Variants in PCSK7 observed in about 807,000 individuals in gnomAD.
PCSK7 encodes proprotein convertase subtilisin/kexin type 7.
In PCSK7, 38 loss-of-function variants were observed where a neutral mutation model predicts 73.3. The observed-to-expected ratio is 0.52, with a 90% confidence interval of 0.40 to 0.68. PCSK7 has a LOEUF of 0.68. Among genes scored for constraint, PCSK7 ranks in the 30% least tolerant of loss-of-function variants. The pLI, the probability that PCSK7 is intolerant of heterozygous loss-of-function variation, is 0.00. For synonymous variants in PCSK7, 296 were observed against 383.8 expected (o/e 0.77, Z 2.68); for missense variants, 692 against 991.5 (o/e 0.70, Z 4.06).
chr11:117,224,565 G>T, intron 7 of PCSK7, 136 bp downstream of exon 7: 1 of 780,714 alleles, frequency 1.3e-6, no homozygotes, highest in South Asian at 1.5e-5. Context: ...TTCCTGCCCC[G>T]ACGTTAGGTG....
At chr11:117,215,362 A>ATTTTTTTTTTT (rs1255701993) in intron 12 of PCSK7, 2 of 73,838 alleles carry the variant, frequency 2.7e-5, no homozygotes, top group East Asian at 5.4e-4. Flanking sequence ...TGCCTGGCTA[A>ATTTTTTTTTTT]TTTGTGTGTG....
chr11:117,226,056 T>A, intron 5 of PCSK7, 35 bp from the exon 6 acceptor site: 2 of 1,193,164 alleles, frequency 1.7e-6, no homozygotes, highest in Non-Finnish European at 2.5e-6. Context: ...TCCTCACTAA[T>A]GCTGGTCTCC....
chr11:117,229,666 C>T lies in PCSK7; in HGVS notation c.179G>A (p.Ser60Asn), dbSNP rs2032567007. 1.2e-6 allele frequency: 2 copies of T among 1,613,778 alleles called. No homozygotes were observed. Among genetic ancestry groups the T allele is most frequent in the African/African-American group, 1.3e-5 (1 of 74,958 alleles). ...CTCTTCCTCCCCGTCACCTTCCAGGCTTTCCAGGTGCACAGCCCAGCTCGG... is the reference window on the plus strand; with the variant it reads ...CTCTTCCTCCCCGTCACCTTCCAGGTTTTCCAGGTGCACAGCCCAGCTCGG... ...GGPSWAVHLE[S>N]LEGDGEEETL... Residue 60 changes from serine (S) to asparagine (N), a missense_variant, in exon 3 of 17, where the codon AGC becomes AAC. By Grantham distance (46) the Ser-to-Asn change is conservative. Around this residue, in one of 6 missense-constraint regions of PCSK7, gnomAD observed 574 missense variants for 689.8 expected, o/e 0.83. Coordinates refer to ENST00000320934, the MANE Select transcript of PCSK7 (RefSeq NM_004716.4).
At chr11:117,223,960 G>T (rs2032307699) in intron 8 of PCSK7, 118 bp downstream of exon 8, 3 of 1,087,756 alleles carry the variant, frequency 2.8e-6, no homozygotes, top group South Asian at 1.4e-5. Context: ...TCCTATCTGA[G>T]CCCAAAGAGA....
At position 117,229,665 on chromosome 11, in the gene PCSK7, G is replaced by A; in HGVS notation, c.180C>T (p.Ser60=). 6.2e-7 allele frequency: 1 copy of A among 1,613,878 alleles called. No individual in the cohort carries two copies. Among genetic ancestry groups the A allele is most frequent in the Non-Finnish European group, 8.5e-7 (1 of 1,179,766 alleles). ...GGPSWAVHLE[S]LEGDGEEETL... Reference sequence around the variant, plus strand: ...TCTCTTCCTCCCCGTCACCTTCCAGGCTTTCCAGGTGCACAGCCCAGCTCG... The same window carrying A: ...TCTCTTCCTCCCCGTCACCTTCCAGACTTTCCAGGTGCACAGCCCAGCTCG... Residue 60 remains serine (S), a synonymous_variant, in exon 3 of 17, where the codon AGC becomes AGT. Transcript: ENST00000320934.
chr11:117,229,764 C>T lies in PCSK7; in HGVS notation c.81G>A (p.Gly27=). Residue 27 remains glycine, a synonymous_variant, in exon 3 of 17, where the codon GGG becomes GGA. Coordinates refer to ENST00000320934, the MANE Select transcript of PCSK7 (RefSeq NM_004716.4). The stretch of plus-strand genomic sequence containing the variant: ...TGACCCAGGGAACCAGTAAGAAGAG[C>T]CCGGCTAATTCCAGCCAGAGGCAGG... The part of the protein sequence containing the change: ...LPTCLWLELA[G]LFLLVPWVMG... 6.2e-7 allele frequency: 1 copy of T among 1,613,400 alleles called. No individual in the cohort carries two copies. Among genetic ancestry groups the T allele is most frequent in the Non-Finnish European group, 8.5e-7 (1 of 1,179,540 alleles).
At chr11:117,228,674 G>A (rs1004079469) in intron 3 of PCSK7, among the ~76,000 whole-genome samples, 7 of 149,690 alleles carry the variant, frequency 4.7e-5, no homozygotes, top group Non-Finnish European at 7.4e-5. Flanking sequence ...AGTGTGGAGT[G>A]CAGTGGCAGG....
Position 117,218,368 on chromosome 11 carries a change from AGG to A in PCSK7, c.1534+96_1534+97del, listed in dbSNP as rs1408193415. On this transcript the variant is annotated intron_variant, in intron 12 of 16. Coordinates refer to ENST00000320934, the MANE Select transcript of PCSK7 (RefSeq NM_004716.4). The surrounding 1 kb of genome is among the most constrained non-coding windows in gnomAD (Gnocchi z 4.0). The stretch of plus-strand genomic sequence containing the variant: ...GGTTTGGCTGGAGCTCAGCTCCGAA[AGG>A]GGGTAGAATCTGGCAGGGAGGACGA... The A allele has an allele frequency of 2.4e-5, 15 of 627,656 alleles. No individual in the cohort carries two copies. Among genetic ancestry groups the A allele is most frequent in the Non-Finnish European group, 2.7e-6 (1 of 365,648 alleles). 38.9% of individuals were successfully genotyped at this position (627,656 alleles called of 1,614,324 possible). A position where few individuals can be genotyped will look rare whatever the true frequency, so the allele number is the denominator to read the frequency against.
intron 2 of PCSK7, 144 bp downstream of exon 2, chr11:117,230,205 A>C: frequency 4.4e-6 from 1 of 229,078 alleles, no homozygotes; most frequent in Non-Finnish European, 8.6e-6. Flanking sequence ...CGCTTCCACA[A>C]ACTACTGGCT....
In PCSK7 at chr11:117,229,392, C is replaced by A. The variant is rs374712041; in HGVS notation, c.453G>T (p.Pro151=). The change falls in exon 3 of 17, where the codon CCG becomes CCT. Residue 151 remains proline, a synonymous_variant. Transcript: ENST00000320934. ...CTGGACTCACCAGGTGCCATTGCTG[C>A]GGGTACTTGGGGTCGTTGAAGTGGA... ...RSVHFNDPKY[P]QQWHLNNRRS... 1 of 1,605,798 alleles carries A rather than the reference C, an allele frequency of 6.2e-7. No homozygotes were observed. Among genetic ancestry groups the A allele is most frequent in the African/African-American group, 1.3e-5 (1 of 75,064 alleles).
intron 12 of PCSK7, chr11:117,216,762 AC>A (rs2032001279): frequency 6.6e-6 from 1 of 151,430 alleles, no homozygotes. Flanking sequence ...ATTTCTTTCA[AC>A]CTCCAAGCAA....
intron 16 of PCSK7, 40 bp from the exon 17 acceptor site, chr11:117,206,396 C>G: frequency 1.3e-6 from 2 of 1,577,460 alleles, no homozygotes; most frequent in Non-Finnish European, 1.7e-6. Flanking sequence ...CACTGTTTCC[C>G]GAAGCCTACA....
chr11:117,220,971 TG>T (rs2032167933), intron 9 of PCSK7: 1 of 152,438 alleles, frequency 6.6e-6, no homozygotes, highest in South Asian at 2.1e-4. Flanking sequence ...AGGCAGTGAC[TG>T]CCTGGCATCG....
chr11:117,219,663 G>A lies in PCSK7; in HGVS notation c.1251C>T (p.Ala417=), dbSNP rs1367826133. The A allele has an allele frequency of 1.9e-6, 3 of 1,612,486 alleles. No homozygotes were observed. Among genetic ancestry groups the A allele is most frequent in the East Asian group, 4.5e-5 (2 of 44,726 alleles). ...AAAPLAAGMI[A]LMLQVRPCLT... ...GGCAGGGCCGCACCTGCAGCATTAAGGCTATCATGCCAGCTGCCAGAGGCG... is the reference window on the plus strand; with the variant it reads ...GGCAGGGCCGCACCTGCAGCATTAAAGCTATCATGCCAGCTGCCAGAGGCG... Residue 417 remains alanine, a synonymous_variant, in exon 10 of 17, where the codon GCC becomes GCT. Transcript: ENST00000320934.
chr11:117,204,784 C>G lies in PCSK7; in HGVS notation c.*1213G>C. 3.3e-6 allele frequency: 1 copy of G among 303,956 alleles called. No individual in the cohort carries two copies. The highest frequency in any genetic ancestry group is 6.4e-6 in the Non-Finnish European group (1 of 155,690). The allele number at this position is 303,956 out of a possible 1,614,324, so 18.8% of individuals were successfully genotyped here. Reference sequence around the variant, plus strand: ...TCAAAAAAAAAAAAAAAAAATCAATCTTTTCTCAGGCCTGGCTGGCAGAGT... The same window carrying G: ...TCAAAAAAAAAAAAAAAAAATCAATGTTTTCTCAGGCCTGGCTGGCAGAGT... On this transcript the variant is annotated 3_prime_UTR_variant, in exon 17 of 17. Coordinates refer to ENST00000320934, the MANE Select transcript of PCSK7 (RefSeq NM_004716.4).
intron 1 of PCSK7, chr11:117,231,364 C>G (rs2032656224): frequency 6.6e-6 from 1 of 152,280 alleles, no homozygotes; most frequent in Admixed American, 6.5e-5. Flanking sequence ...CATATTCCCT[C>G]TCAATCCCTC....
At chr11:117,223,330 T>C (rs1206249677) in intron 8 of PCSK7, 22 bp from the exon 9 acceptor site, 2 of 1,451,946 alleles carry the variant, frequency 1.4e-6, no homozygotes, top group South Asian at 1.1e-5. Context: ...GGAGGGAGAT[T>C]AGAGCTGAGA....
rs1183426645 is a variant in PCSK7, at chr11:117,205,890, G to GT, written c.*106dup. 1 of 589,974 alleles carries GT rather than the reference G, an allele frequency of 1.7e-6. No individual in the cohort carries two copies. The highest frequency in any genetic ancestry group is 1.9e-5 in the African/African-American group (1 of 52,560). The allele number at this position is 589,974 out of a possible 1,614,324, so 36.5% of individuals were successfully genotyped here. A position where few individuals can be genotyped will look rare whatever the true frequency, so the allele number is the denominator to read the frequency against. On this transcript the variant is annotated 3_prime_UTR_variant, in exon 17 of 17. Coordinates refer to ENST00000320934, the MANE Select transcript of PCSK7 (RefSeq NM_004716.4). ...AAGGCCCTCACCCTCTTTGAGTGGAGTCAGAGGATGCCTCAGATTCCAGAT... is the reference window on the plus strand; with the variant it reads ...AAGGCCCTCACCCTCTTTGAGTGGAGTTCAGAGGATGCCTCAGATTCCAGAT...
intron 3 of PCSK7, 43 bp downstream of exon 3, chr11:117,229,334 G>C: frequency 1.4e-6 from 2 of 1,465,104 alleles, no homozygotes; most frequent in Non-Finnish European, 1.9e-6. Flanking sequence ...AACTGGACTG[G>C]AACCTACCCA....
Sources: gnomAD v4.1 joint callset for allele counts (sites outside exome capture counted in the v4.1 genomes callset) on GRCh38, gnomAD v4.1.1 for gene constraint, gnomAD v4.1.1 regional missense constraint, Gnocchi (gnomAD v3.1) non-coding constraint, MANE v1.5 for transcripts, NCBI Gene and HGNC (gene_info 2026-07-23, HGNC 2026-07-21) for gene names.